The following SYCP1 variants were observed in gnomAD, a reference collection of about 807,000 sequenced individuals.
SYCP1 encodes the protein cancer/testis antigen 8.
A neutral mutation model predicts 153.1 loss-of-function variants in SYCP1; 64 were observed. The observed-to-expected ratio is 0.42, with a 90% confidence interval of 0.34 to 0.51. SYCP1 has a LOEUF of 0.51. Ranked by LOEUF, SYCP1 falls within the 20% of genes least tolerant of loss-of-function variation. The pLI is 0.06. For synonymous variants in SYCP1, 384 were observed against 341.8 expected (o/e 1.12, Z -1.36); for missense variants, 997 against 1,049.0 (o/e 0.95, Z 0.68).
intron 28 of SYCP1, among the ~76,000 whole-genome samples, chr1:114,978,195 C>T (rs1365680370): frequency 6.6e-6 from 1 of 151,306 alleles, no homozygotes; most frequent in Admixed American, 6.6e-5. Context: ...TCTTGAAATC[C>T]CAAATTAGAC....
At chr1:114,871,846 A>C (rs1665156849) in intron 8 of SYCP1, among the ~76,000 whole-genome samples, 1 of 152,214 alleles carries the variant, frequency 6.6e-6, no homozygotes, top group South Asian at 2.1e-4. Context: ...TTGGCCTCCC[A>C]AAGTGCTGGG....
At chr1:114,890,056 A>G (rs1666595439) in intron 15 of SYCP1, among the ~76,000 whole-genome samples, 1 of 152,152 alleles carries the variant, frequency 6.6e-6, no homozygotes, top group Non-Finnish European at 1.5e-5. Flanking sequence ...TTCTCACAGT[A>G]GAGCAATATA....
chr1:114,883,648 T>C (rs897822294), intron 12 of SYCP1, among the ~76,000 whole-genome samples: 1 of 152,226 alleles, frequency 6.6e-6, no homozygotes, highest in Admixed American at 6.5e-5. Flanking sequence ...TTTGTGCTTA[T>C]GATTTTTCAG....
chr1:114,955,394 TC>T (rs1424406985), intron 27 of SYCP1, among the ~76,000 whole-genome samples: 2 of 152,208 alleles, frequency 1.3e-5, no homozygotes, highest in African/African-American at 4.8e-5. Context: ...CTCTATACTA[TC>T]TTGTCTGGTT....
At chr1:114,856,862 A>T (rs1398441460) in intron 3 of SYCP1, among the ~76,000 whole-genome samples, 1 of 135,196 alleles carries the variant, frequency 7.4e-6, no homozygotes, top group Non-Finnish European at 1.6e-5. Context: ...ATGGAGGGGG[A>T]TCACTTGAGG....
At chr1:114,992,455 C>T (rs1382883063) in intron 30 of SYCP1, among the ~76,000 whole-genome samples, 1 of 151,510 alleles carries the variant, frequency 6.6e-6, no homozygotes. Flanking sequence ...ACAGGCAGAC[C>T]AATGGAATAG....
intron 27 of SYCP1, among the ~76,000 whole-genome samples, chr1:114,975,676 C>T (rs1455608431): frequency 2.0e-5 from 3 of 151,716 alleles, no homozygotes; most frequent in African/African-American, 7.2e-5. Flanking sequence ...GTATAGGAAA[C>T]TGTTACTAGA....
At chr1:114,935,336 TA>T (rs59072454) in intron 23 of SYCP1, among the ~76,000 whole-genome samples, 74,911 of 151,804 alleles carry the variant, frequency 0.49, 19,834 homozygotes, top group Middle Eastern at 0.62. Context: ...AAGGCAGAAA[TA>T]AATATGTTCT....
intron 14 of SYCP1, 144 bp from the exon 15 acceptor site, chr1:114,887,482 A>G (rs1006718602): frequency 2.2e-6 from 1 of 446,544 alleles, no homozygotes; most frequent in African/African-American, 2.0e-5. Context: ...TATATGGTGC[A>G]GAGTAGGTAC....
chr1:114,937,099 C>T (rs534880649), intron 23 of SYCP1, among the ~76,000 whole-genome samples: 4 of 152,214 alleles, frequency 2.6e-5, no homozygotes, highest in East Asian at 3.9e-4. Flanking sequence ...CAATTCTAAG[C>T]GAAAAGAACA....
At chr1:114,965,395 T>C (rs953602130) in intron 27 of SYCP1, among the ~76,000 whole-genome samples, 1 of 152,194 alleles carries the variant, frequency 6.6e-6, no homozygotes, top group Non-Finnish European at 1.5e-5. Context: ...CCATACTATG[T>C]TGAATAGGAG....
intron 18 of SYCP1, among the ~76,000 whole-genome samples, 184 bp downstream of exon 18, chr1:114,911,766 A>G (rs1668197679): frequency 6.6e-6 from 1 of 152,018 alleles, no homozygotes; most frequent in African/African-American, 2.4e-5. Context: ...CACTGACATA[A>G]AGAAAGAGTA....
intron 23 of SYCP1, among the ~76,000 whole-genome samples, chr1:114,936,074 C>T (rs1051809777): frequency 6.6e-6 from 1 of 152,126 alleles, no homozygotes; most frequent in African/African-American, 2.4e-5. Flanking sequence ...CATCCTGATA[C>T]CAAAGGCTGG....
chr1:114,932,287 T>C (rs1413546544), intron 23 of SYCP1, among the ~76,000 whole-genome samples: 2 of 152,140 alleles, frequency 1.3e-5, no homozygotes, highest in African/African-American at 4.8e-5. Flanking sequence ...AAGAAAACAC[T>C]GACTAAACAT....
intron 28 of SYCP1, among the ~76,000 whole-genome samples, chr1:114,979,900 G>T (rs1673041818): frequency 1.3e-5 from 2 of 151,808 alleles, no homozygotes; most frequent in African/African-American, 2.4e-5. Context: ...CTAGTTCAAT[G>T]ATTTTTTTAT....
chr1:114,856,663 A>G lies in SYCP1; in HGVS notation c.193+6A>G. Reference sequence around the variant, plus strand: ...TGGGGAAAACATTGATTCAGGTAGGAGCATGGAAAAGCAGTGTATCAGCTT... The same window carrying G: ...TGGGGAAAACATTGATTCAGGTAGGGGCATGGAAAAGCAGTGTATCAGCTT... On this transcript the variant is annotated splice_donor_region_variant and intron_variant, in intron 3 of 31. Coordinates refer to ENST00000369522, the MANE Select transcript of SYCP1 (RefSeq NM_003176.4). 1 of 1,599,924 alleles carries G rather than the reference A, an allele frequency of 6.3e-7. No individual in the cohort carries two copies. Among genetic ancestry groups the G allele is most frequent in the Non-Finnish European group, 8.5e-7 (1 of 1,171,368 alleles).
At chr1:114,857,136 CAA>C (rs71582509) in intron 3 of SYCP1, 94 bp from the exon 4 acceptor site, 11,054 of 241,482 alleles carry the variant, frequency 0.046, 3 homozygotes, top group South Asian at 0.071. Flanking sequence ...CTCTCTCTCT[CAA>C]AAAAAAAAAA....
intron 29 of SYCP1, 118 bp downstream of exon 29, chr1:114,981,630 A>G (rs1673161459): frequency 1.1e-6 from 1 of 950,166 alleles, no homozygotes; most frequent in Non-Finnish European, 1.5e-6. Flanking sequence ...GAAAGTTTCA[A>G]TTTTTTTTGT....
At chr1:114,872,317 A>C (rs1436552770) in intron 8 of SYCP1, among the ~76,000 whole-genome samples, 2 of 152,178 alleles carry the variant, frequency 1.3e-5, no homozygotes, top group Non-Finnish European at 2.9e-5. Context: ...TTCTCAAATT[A>C]CAGAATTCTG....
Sources: gnomAD v4.1 joint callset for allele counts (sites outside exome capture counted in the v4.1 genomes callset) on GRCh38, gnomAD v4.1.1 for gene constraint, MANE v1.5 for transcripts, NCBI Gene and HGNC (gene_info 2026-07-23, HGNC 2026-07-21) for gene names.